The following KLF12 variants were observed in gnomAD, a reference collection of about 807,000 sequenced individuals.
The protein encoded by KLF12 is Krueppel-like factor 12.
Under a neutral mutation model 37.8 loss-of-function variants are expected in KLF12, and 9 were observed. The ratio of observed to expected loss-of-function variants is 0.24; its 90% confidence interval spans 0.14 to 0.42. The LOEUF is 0.42. Among genes scored for constraint, KLF12 ranks in the 10% least tolerant of loss-of-function variants. The pLI, the probability that KLF12 is intolerant of heterozygous loss-of-function variation, is 1.00. For synonymous variants in KLF12, 208 were observed against 202.1 expected (o/e 1.03, Z -0.25); for missense variants, 411 against 516.0 (o/e 0.80, Z 1.97).
chr13:73,953,099 A>G (rs1890701265), intron 2 of KLF12, among the ~76,000 whole-genome samples: 1 of 152,224 alleles, frequency 6.6e-6, no homozygotes, highest in South Asian at 2.1e-4. Flanking sequence ...ATAGGAAAAG[A>G]AAACCATGTC....
chr13:73,806,101 G>GT (rs58028136), intron 5 of KLF12, among the ~76,000 whole-genome samples: 8 of 145,794 alleles, frequency 5.5e-5, no homozygotes, highest in African/African-American at 5.1e-5. Flanking sequence ...TGCCCTGCCA[G>GT]TTTTTTTTTT....
At chr13:73,851,161 A>C (rs1594169241) in intron 3 of KLF12, among the ~76,000 whole-genome samples, 3 of 152,336 alleles carry the variant, frequency 2.0e-5, no homozygotes, top group Admixed American at 2.0e-4. Flanking sequence ...AGACAAGCAA[A>C]TGAGCAGAAC....
At chr13:73,767,553 T>G (rs1879999121) in intron 5 of KLF12, among the ~76,000 whole-genome samples, 1 of 152,374 alleles carries the variant, frequency 6.6e-6, no homozygotes, top group South Asian at 2.1e-4. Context: ...CTTCTGAGAC[T>G]GACAGTTTGT....
the KLF12 span, among the ~76,000 whole-genome samples, chr13:74,280,385 T>C: frequency 6.6e-6 from 1 of 152,214 alleles, no homozygotes. Context: ...TTAAACAGTC[T>C]GTTCCTTAGA....
the KLF12 span, among the ~76,000 whole-genome samples, chr13:74,283,729 G>C: frequency 7.2e-5 from 11 of 152,118 alleles, no homozygotes; most frequent in Non-Finnish European, 1.3e-4. Flanking sequence ...TCACCTGACC[G>C]ATGTGAGATT....
chr13:74,165,327 G>A, the KLF12 span, among the ~76,000 whole-genome samples: 2 of 121,170 alleles, frequency 1.7e-5, no homozygotes, highest in East Asian at 2.5e-4. Flanking sequence ...TTGAGATGGA[G>A]TCTTGCTCTG....
the KLF12 span, among the ~76,000 whole-genome samples, chr13:74,276,985 C>T: frequency 6.6e-6 from 1 of 152,182 alleles, no homozygotes; most frequent in Admixed American, 6.5e-5. Context: ...GGACAATGCC[C>T]ACGGCAGTGC....
At chr13:73,904,957 C>CAAA (rs59392777) in intron 3 of KLF12, among the ~76,000 whole-genome samples, 17 of 138,788 alleles carry the variant, frequency 1.2e-4, no homozygotes, top group African/African-American at 3.4e-4. Context: ...TTATCCTAAG[C>CAAA]AAAAAAAAAA....
the KLF12 span, among the ~76,000 whole-genome samples, chr13:74,146,921 C>G: frequency 6.6e-6 from 1 of 152,198 alleles, no homozygotes; most frequent in Admixed American, 6.5e-5. Flanking sequence ...TCCTCTTAAT[C>G]ACTGTGTATC....
chr13:74,138,814 A>G (rs541183046), upstream of KLF12, among the ~76,000 whole-genome samples: 5 of 152,322 alleles, frequency 3.3e-5, no homozygotes, highest in East Asian at 5.8e-4. Flanking sequence ...AAGTTGGCAC[A>G]AATTAGTTAC....
chr13:73,809,212 T>C (rs561547473), intron 5 of KLF12, among the ~76,000 whole-genome samples: 4 of 152,344 alleles, frequency 2.6e-5, no homozygotes, highest in East Asian at 1.9e-4. Context: ...CAGAGGTCCT[T>C]TGAAATGTTT....
At chr13:74,294,041 G>A in the KLF12 span, among the ~76,000 whole-genome samples, 48 of 152,272 alleles carry the variant, frequency 3.2e-4, no homozygotes, top group East Asian at 4.2e-3. Context: ...TCACTAAGCC[G>A]TCAAAGGGAC....
intron 3 of KLF12, among the ~76,000 whole-genome samples, chr13:73,860,129 C>G (rs1885841295): frequency 6.6e-6 from 1 of 152,126 alleles, no homozygotes. Flanking sequence ...CACTCATTGT[C>G]TCTCTTCAGT....
At chr13:73,702,029 A>AC (rs1566306338) in intron 7 of KLF12, among the ~76,000 whole-genome samples, 10 of 151,416 alleles carry the variant, frequency 6.6e-5, no homozygotes, top group South Asian at 4.2e-4. Context: ...CACACACACA[A>AC]AAAAAGGGTG....
the KLF12 span, among the ~76,000 whole-genome samples, chr13:74,181,754 C>T: frequency 6.7e-6 from 1 of 148,682 alleles, no homozygotes; most frequent in South Asian, 2.1e-4. Context: ...GAGATAACAA[C>T]CCAATGTATG....
At chr13:73,719,716 C>A (rs1449450152) in intron 6 of KLF12, among the ~76,000 whole-genome samples, 1 of 152,074 alleles carries the variant, frequency 6.6e-6, no homozygotes, top group Non-Finnish European at 1.5e-5. Context: ...GATCCTCCCC[C>A]TCAGCCTCCT....
chr13:73,852,458 A>G (rs1885379844), intron 3 of KLF12, among the ~76,000 whole-genome samples: 1 of 152,176 alleles, frequency 6.6e-6, no homozygotes. Context: ...CAACTGCCTT[A>G]TATCAATATG....
intron 3 of KLF12, among the ~76,000 whole-genome samples, chr13:73,928,110 C>G (rs993576074): frequency 6.6e-6 from 1 of 152,202 alleles, no homozygotes; most frequent in African/African-American, 2.4e-5. Context: ...CCTGCCTCAG[C>G]CTCCCACAAT....
At chr13:74,079,118 C>T (rs1393468492) in intron 1 of KLF12, among the ~76,000 whole-genome samples, 1 of 152,098 alleles carries the variant, frequency 6.6e-6, no homozygotes, top group African/African-American at 2.4e-5. Flanking sequence ...TATTTTCAAA[C>T]TTCTTTAAAA....
Sources: gnomAD v4.1 joint callset for allele counts (sites outside exome capture counted in the v4.1 genomes callset) on GRCh38, gnomAD v4.1.1 for gene constraint, MANE v1.5 for transcripts, NCBI Gene and HGNC (gene_info 2026-07-23, HGNC 2026-07-21) for gene names.